The following RETREG1 variants were observed in gnomAD, a reference collection of about 807,000 sequenced individuals.
RETREG1 encodes the protein family with sequence similarity 134 member B.
In RETREG1, 44 loss-of-function variants were observed where a neutral mutation model predicts 54.8. The observed-to-expected ratio is 0.80, with a 90% confidence interval of 0.63 to 1.03. RETREG1 has a LOEUF of 1.03. Ranked by LOEUF, RETREG1 falls within the 50% of genes least tolerant of loss-of-function variation. The pLI, the probability that RETREG1 is intolerant of heterozygous loss-of-function variation, is 0.00. For missense variants in RETREG1, 554 were observed against 605.1 expected (o/e 0.92, Z 0.89); for synonymous variants, 217 against 238.5 (o/e 0.91, Z 0.83).
rs1282141577 is a variant in RETREG1 at position 16,593,427 on chromosome 5, T to C, written c.321-21325A>G. ...CCAATCACAGGCACTCAATAAATAC[T>C]TTTTTGTTTGCTGTTGCTCATTCAG... On this transcript the variant is annotated intron_variant, in intron 1 of 8. Transcript: ENST00000306320. The surrounding 1 kb of genome is among the most constrained non-coding windows in gnomAD (Gnocchi z 4.9). Among the ~76,000 whole-genome samples the C allele has an allele frequency of 6.6e-6, 1 of 152,190 alleles. No individual in the cohort carries two copies. The highest frequency in any genetic ancestry group is 1.5e-5 in the Non-Finnish European group (1 of 68,026).
intron 1 of RETREG1, among the ~76,000 whole-genome samples, chr5:16,609,225 T>C (rs964050670): frequency 3.3e-5 from 5 of 152,178 alleles, no homozygotes; most frequent in Non-Finnish European, 7.3e-5. Context: ...AGTTAACTTT[T>C]TTCTGGGCCT....
At position 16,595,604 on chromosome 5, in the gene RETREG1, G is replaced by C. The variant is rs534938738; in HGVS notation, c.320+21048C>G. ...AAGTTTTCTGGAAGGAGTTACTCTC[G>C]TCATTAAGAAGGCTACACTACCATT... On this transcript the variant is annotated intron_variant, in intron 1 of 8. Coordinates refer to ENST00000306320, the MANE Select transcript of RETREG1 (RefSeq NM_001034850.3). 2.6e-5 allele frequency among the ~76,000 whole-genome samples: 4 copies of C among 152,260 alleles called. No homozygotes were observed. In the East Asian group the frequency reaches 5.8e-4, roughly 22 times the overall value.
intron 1 of RETREG1, among the ~76,000 whole-genome samples, chr5:16,606,080 T>C (rs1579725754): frequency 6.6e-6 from 1 of 152,230 alleles, no homozygotes; most frequent in South Asian, 2.1e-4. Flanking sequence ...AGCCATGTCC[T>C]CCACTGAGCC....
At chr5:16,492,225 T>A (rs1455734631) in intron 3 of RETREG1, among the ~76,000 whole-genome samples, 3 of 138,156 alleles carry the variant, frequency 2.2e-5, no homozygotes, top group African/African-American at 7.9e-5. Context: ...TCTCTCTCTC[T>A]CTCTCACACA....
intron 3 of RETREG1, among the ~76,000 whole-genome samples, chr5:16,544,674 G>C (rs1031770413): frequency 6.6e-6 from 1 of 152,330 alleles, no homozygotes; most frequent in Middle Eastern, 3.4e-3. Flanking sequence ...TTGGAAAGGT[G>C]ATCCATCCTT....
chr5:16,514,447 T>G (rs547495878), intron 3 of RETREG1, among the ~76,000 whole-genome samples: 20 of 152,352 alleles, frequency 1.3e-4, no homozygotes, highest in African/African-American at 4.8e-4. Flanking sequence ...TTTTGCCTTG[T>G]TTCACTTGTA....
At chr5:16,475,998 CTT>C (rs1380372072) in intron 8 of RETREG1, among the ~76,000 whole-genome samples, 1 of 152,118 alleles carries the variant, frequency 6.6e-6, no homozygotes, top group African/African-American at 2.4e-5. Context: ...ATTATTGTCT[CTT>C]TTGTTGAATC....
chr5:16,610,732 C>A (rs532586324), intron 1 of RETREG1, among the ~76,000 whole-genome samples: 17 of 152,082 alleles, frequency 1.1e-4, no homozygotes, highest in Non-Finnish European at 2.5e-4. Context: ...GTTAGAATGG[C>A]GATAATTAAA....
At chr5:16,498,269 C>T (rs1158898506) in intron 3 of RETREG1, among the ~76,000 whole-genome samples, 3 of 152,100 alleles carry the variant, frequency 2.0e-5, no homozygotes, top group African/African-American at 7.2e-5. Context: ...TACTACGTAC[C>T]GAGGCTATAG....
intron 2 of RETREG1, among the ~76,000 whole-genome samples, chr5:16,568,179 A>G (rs1488581211): frequency 6.6e-6 from 1 of 152,100 alleles, no homozygotes; most frequent in Admixed American, 6.6e-5. Context: ...AGAGAGAGAA[A>G]TCCATCCCAG....
At chr5:16,598,785 T>C (rs1011542805) in intron 1 of RETREG1, among the ~76,000 whole-genome samples, 1 of 152,190 alleles carries the variant, frequency 6.6e-6, no homozygotes, top group African/African-American at 2.4e-5. Context: ...GGAGGACCAC[T>C]ACAGTTAAAG....
chr5:16,571,812 T>C (rs1421751723), intron 2 of RETREG1, among the ~76,000 whole-genome samples, 184 bp downstream of exon 2: 1 of 152,170 alleles, frequency 6.6e-6, no homozygotes, highest in East Asian at 1.9e-4. Flanking sequence ...ACAAACCTTT[T>C]ACCTACAAGC....
At chr5:16,572,672 G>C (rs758588962) in intron 1 of RETREG1, among the ~76,000 whole-genome samples, 7 of 152,146 alleles carry the variant, frequency 4.6e-5, no homozygotes, top group Non-Finnish European at 7.4e-5. Context: ...CTCAGGCATA[G>C]ACCAAAATAT....
At chr5:16,520,806 T>G (rs1049013789) in intron 3 of RETREG1, among the ~76,000 whole-genome samples, 9 of 152,174 alleles carry the variant, frequency 5.9e-5, no homozygotes, top group African/African-American at 2.2e-4. Flanking sequence ...AGAAACAATT[T>G]GCCCCTCACT....
rs555369346 is a variant in RETREG1, at chr5:16,585,243, G to T, written c.321-13141C>A. ...AATGTGCCCAGGTCAGCAAGGCATG[G>T]TGGACAAACAGATAAGACAGTGGGG... On this transcript the variant is annotated intron_variant, in intron 1 of 8. Coordinates refer to ENST00000306320, the MANE Select transcript of RETREG1 (RefSeq NM_001034850.3). This position sits in a 1 kb window ranked among gnomAD's most constrained non-coding sequence, Gnocchi z 4.5. Among the ~76,000 whole-genome samples the T allele has an allele frequency of 2.6e-5, 4 of 152,282 alleles. No individual in the cohort carries two copies. The South Asian group carries it at 8.3e-4, about 32-fold the overall frequency.
In RETREG1 at chr5:16,608,971, G is replaced by A. The variant is rs138217527; in HGVS notation, c.320+7681C>T. Among the ~76,000 whole-genome samples the A allele has an allele frequency of 2.8e-4, 43 of 152,284 alleles. No homozygotes were observed. In the South Asian group the frequency reaches 6.4e-3, roughly 23 times the overall value. On this transcript the variant is annotated intron_variant, in intron 1 of 8. Transcript: ENST00000306320. Reference sequence around the variant, plus strand: ...ATCATTGAATTTAGGGAAAATGGACGCTGCTTCATTACCCAGCTTCAGCAC... The same window carrying A: ...ATCATTGAATTTAGGGAAAATGGACACTGCTTCATTACCCAGCTTCAGCAC...
chr5:16,596,835 T>C (rs945790598), intron 1 of RETREG1, among the ~76,000 whole-genome samples: 2 of 152,166 alleles, frequency 1.3e-5, no homozygotes, highest in Non-Finnish European at 1.5e-5. Flanking sequence ...AACTAGAGAA[T>C]GGACCACAAA....
chr5:16,592,951 C>T (rs1356401698), intron 1 of RETREG1, among the ~76,000 whole-genome samples: 9 of 152,050 alleles, frequency 5.9e-5, no homozygotes, highest in African/African-American at 2.4e-5. Context: ...GTACTAGGCT[C>T]AGTACCTGGG....
intron 3 of RETREG1, among the ~76,000 whole-genome samples, chr5:16,512,888 G>A (rs958542203): frequency 2.0e-5 from 3 of 152,034 alleles, no homozygotes; most frequent in African/African-American, 7.3e-5. Flanking sequence ...TGCCAGAAAC[G>A]GGATTCAAAG....
Sources: gnomAD v4.1 joint callset for allele counts (sites outside exome capture counted in the v4.1 genomes callset) on GRCh38, gnomAD v4.1.1 for gene constraint, Gnocchi (gnomAD v3.1) non-coding constraint, MANE v1.5 for transcripts, NCBI Gene and HGNC (gene_info 2026-07-23, HGNC 2026-07-21) for gene names.